Variants in VGLL4 observed in about 807,000 individuals in gnomAD.
VGLL4 encodes the protein vestigial like family member 4.
A neutral mutation model predicts 21.0 loss-of-function variants in VGLL4; 7 were observed. That is an observed-to-expected ratio of 0.33 (90% confidence interval 0.19 to 0.63). The LOEUF (loss-of-function observed/expected upper bound fraction) is 0.63. Among genes scored for constraint, VGLL4 ranks in the 20% least tolerant of loss-of-function variants. The pLI, the probability that VGLL4 is intolerant of heterozygous loss-of-function variation, is 0.78. For missense variants in VGLL4, 394 were observed against 425.7 expected, an observed-to-expected ratio of 0.93 and a Z score of 0.66; for synonymous variants, 222 against 173.2, an observed-to-expected ratio of 1.28 and a Z score of -2.21.
intron 1 of VGLL4, among the ~76,000 whole-genome samples, chr3:11,602,881 T>C (rs1052361082): frequency 4.8e-5 from 7 of 147,146 alleles, no homozygotes; most frequent in African/African-American, 1.6e-4. Flanking sequence ...GACGAATGAT[T>C]ACTTTAAGAG....
intron 2 of VGLL4, among the ~76,000 whole-genome samples, chr3:11,593,491 G>C (rs1254526815): frequency 1.3e-5 from 2 of 152,112 alleles, no homozygotes; most frequent in Non-Finnish European, 2.9e-5. Context: ...TAAGCTGAAT[G>C]AATTCGTGGT....
At chr3:11,582,437 G>T (rs2074253505) in intron 2 of VGLL4, 9 of 1,458,038 alleles carry the variant, frequency 6.2e-6, no homozygotes, top group Non-Finnish European at 7.4e-6. Context: ...AAGGAGGGTT[G>T]CGAGGTAAGG....
At chr3:11,564,702 C>A in intron 3 of VGLL4, 95 bp downstream of exon 3, 1 of 1,431,940 alleles carries the variant, frequency 7.0e-7, no homozygotes, top group Non-Finnish European at 9.4e-7. Flanking sequence ...CCCTCCCTCA[C>A]CACCGCCCTC....
At chr3:11,694,600 C>G (rs1200996351) in intron 2 of VGLL4, among the ~76,000 whole-genome samples, 5 of 149,088 alleles carry the variant, frequency 3.4e-5, no homozygotes, top group Admixed American at 6.7e-5. Flanking sequence ...CCAGCCTGGG[C>G]AAGAGTGAGA....
At chr3:11,668,319 A>T (rs1433119350) in intron 2 of VGLL4, among the ~76,000 whole-genome samples, 1 of 152,190 alleles carries the variant, frequency 6.6e-6, no homozygotes, top group Admixed American at 6.5e-5. Flanking sequence ...CTTTAGGGTA[A>T]CCATTTTTTC....
Position 11,686,187 on chromosome 3 carries a change from G to A in VGLL4, c.64+16784C>T, listed in dbSNP as rs548048664. ...GCAGCTCTGCTTCTGGGTATATACCGAAAAGAACTGAAAGCAGGCTCTCAG... is the reference window on the plus strand; with the variant it reads ...GCAGCTCTGCTTCTGGGTATATACCAAAAAGAACTGAAAGCAGGCTCTCAG... On this transcript the variant is annotated intron_variant, in intron 2 of 5. Coordinates refer to the VGLL4 transcript ENST00000273038. Among the ~76,000 whole-genome samples the A allele has an allele frequency of 5.3e-5, 8 of 152,290 alleles. No individual in the cohort carries two copies. The East Asian group carries it at 5.8e-4, about 11-fold the overall frequency.
At chr3:11,567,459 T>C (rs2073590954) in intron 2 of VGLL4, among the ~76,000 whole-genome samples, 1 of 152,200 alleles carries the variant, frequency 6.6e-6, no homozygotes, top group African/African-American at 2.4e-5. Flanking sequence ...TTCAGCCCAT[T>C]AAGACAATCA....
intron 1 of VGLL4, among the ~76,000 whole-genome samples, chr3:11,634,606 C>T (rs2075550104): frequency 6.6e-6 from 1 of 152,148 alleles, no homozygotes; most frequent in Admixed American, 6.5e-5. Flanking sequence ...GGAGCTCCAT[C>T]AAGCCCCTCT....
At chr3:11,580,995 T>TG (rs1374323644) in intron 2 of VGLL4, among the ~76,000 whole-genome samples, 3 of 152,122 alleles carry the variant, frequency 2.0e-5, no homozygotes, top group Non-Finnish European at 4.4e-5. Context: ...TGTATAACAT[T>TG]GGTGTACAGT....
chr3:11,668,967 AATC>A (rs1372483203), intron 2 of VGLL4, among the ~76,000 whole-genome samples: 1 of 152,206 alleles, frequency 6.6e-6, no homozygotes, highest in African/African-American at 2.4e-5. Flanking sequence ...ACCAGGCTGA[AATC>A]ATCCTCCTTA....
intron 1 of VGLL4, among the ~76,000 whole-genome samples, chr3:11,633,827 G>C (rs1279815337): frequency 6.6e-6 from 1 of 152,144 alleles, no homozygotes; most frequent in African/African-American, 2.4e-5. Context: ...GCAGTTTCAC[G>C]TTATGTGGAC....
chr3:11,615,356 C>G (rs889918791), intron 1 of VGLL4, among the ~76,000 whole-genome samples: 1 of 152,170 alleles, frequency 6.6e-6, no homozygotes, highest in African/African-American at 2.4e-5. Context: ...TTAAATAATG[C>G]AGACCAATGA....
At chr3:11,674,188 C>A (rs80234907) in intron 2 of VGLL4, among the ~76,000 whole-genome samples, 2,213 of 152,148 alleles carry the variant, frequency 0.015, 69 homozygotes, top group African/African-American at 0.051. Flanking sequence ...ATGTTTTCTG[C>A]AATATCTCAA....
chr3:11,560,931 G>A (rs911611964), intron 3 of VGLL4, among the ~76,000 whole-genome samples: 1 of 152,118 alleles, frequency 6.6e-6, no homozygotes, highest in African/African-American at 2.4e-5. Flanking sequence ...AGGGGGTTGG[G>A]GACCGACAGA....
chr3:11,705,009 G>C (rs913963336), intron 1 of VGLL4, among the ~76,000 whole-genome samples: 1 of 152,206 alleles, frequency 6.6e-6, no homozygotes, highest in Non-Finnish European at 1.5e-5. Context: ...ACAACACGCT[G>C]CCCAAATCGC....
chr3:11,656,776 T>C (rs980917027), intron 2 of VGLL4, among the ~76,000 whole-genome samples: 2 of 152,100 alleles, frequency 1.3e-5, no homozygotes, highest in African/African-American at 4.8e-5. Context: ...AAGAACTAGG[T>C]TTCTAGCCAG....
intron 1 of VGLL4, among the ~76,000 whole-genome samples, chr3:11,711,372 G>A (rs535302594): frequency 4.6e-5 from 7 of 152,084 alleles, no homozygotes; most frequent in Middle Eastern, 3.4e-3. Flanking sequence ...ACCCCATCCC[G>A]GCTAACATGG....
chr3:11,638,598 G>A (rs1431580926), intron 1 of VGLL4, among the ~76,000 whole-genome samples: 1 of 151,836 alleles, frequency 6.6e-6, no homozygotes, highest in Admixed American at 6.6e-5. Flanking sequence ...CAAGTAAAAA[G>A]CTAAAGTAAA....
chr3:11,674,259 G>A (rs989349389), intron 2 of VGLL4, among the ~76,000 whole-genome samples: 4 of 152,034 alleles, frequency 2.6e-5, no homozygotes, highest in African/African-American at 9.7e-5. Context: ...GAGTGACCCC[G>A]GAAAGAGGAC....
Sources: allele counts gnomAD v4.1 joint callset (sites outside exome capture counted in the v4.1 genomes callset), GRCh38; gene constraint gnomAD v4.1.1; transcripts MANE v1.5; gene names NCBI Gene and HGNC (gene_info 2026-07-23, HGNC 2026-07-21).